SLC39A11: variants seen among roughly 807,000 people sequenced by gnomAD.
SLC39A11 encodes zinc transporter ZIP11.
SLC39A11 carries 33 observed loss-of-function variants against 36.1 expected under a neutral mutation model. The ratio of observed to expected loss-of-function variants is 0.91; its 90% CI spans 0.69 to 1.22. The LOEUF is 1.22. SLC39A11 is among the 50% of genes most tolerant of loss of function. The probability of loss-of-function intolerance (pLI) is 0.00; values close to 1 mark genes in which losing one functional copy is unlikely to be tolerated. For synonymous variants in SLC39A11, 166 were observed against 170.3 expected (o/e 0.97, Z 0.20); for missense variants, 432 against 430.3 (o/e 1.00, Z -0.03).
intron 6 of SLC39A11, among the ~76,000 whole-genome samples, chr17:72,755,587 C>G (rs1008238114): frequency 2.6e-5 from 4 of 152,274 alleles, no homozygotes; most frequent in African/African-American, 9.6e-5. Flanking sequence ...AATTTAAAGT[C>G]AGGCATAAAT....
At chr17:72,771,780 C>A (rs758306994) in intron 6 of SLC39A11, among the ~76,000 whole-genome samples, 1 of 152,132 alleles carries the variant, frequency 6.6e-6, no homozygotes, top group Non-Finnish European at 1.5e-5. Context: ...ACATGTCAAA[C>A]GATCAAGGAA....
chr17:72,991,124 T>C (rs2089143894), intron 4 of SLC39A11, among the ~76,000 whole-genome samples: 1 of 152,196 alleles, frequency 6.6e-6, no homozygotes, highest in South Asian at 2.1e-4. Flanking sequence ...TTAAGTAAAC[T>C]ATTACAGAAA....
rs570222761 is a variant in SLC39A11 at position 72,842,266 on chromosome 17, G to A, written c.601+7368C>T. Among the ~76,000 whole-genome samples the A allele has an allele frequency of 3.3e-5, 5 of 152,204 alleles. 1 individual carries two copies. In the South Asian group the frequency reaches 1.0e-3, roughly 32 times the overall value. ...AAGGATACAGCAAGACAGCACAAAGGAAGGAGTGATTAACTTTGTTAAATA... is the reference window on the plus strand; with the variant it reads ...AAGGATACAGCAAGACAGCACAAAGAAAGGAGTGATTAACTTTGTTAAATA... On this transcript the variant is annotated intron_variant, in intron 6 of 9. Coordinates refer to ENST00000255559, the MANE Select transcript of SLC39A11 (RefSeq NM_139177.4).
intron 7 of SLC39A11, among the ~76,000 whole-genome samples, chr17:72,655,748 C>G (rs914136377): frequency 1.3e-5 from 2 of 152,180 alleles, no homozygotes; most frequent in Admixed American, 6.5e-5. Context: ...TCTGGAGCAA[C>G]TGAGGGCAGG....
intron 4 of SLC39A11, among the ~76,000 whole-genome samples, chr17:73,023,533 AGG>A (rs2058429604): frequency 2.6e-5 from 4 of 152,146 alleles, no homozygotes; most frequent in Non-Finnish European, 4.4e-5. Flanking sequence ...ACTCTTGCCC[AGG>A]CTGGAGTGCA....
chr17:72,985,092 G>A (rs1238774732), intron 4 of SLC39A11, among the ~76,000 whole-genome samples: 2 of 152,190 alleles, frequency 1.3e-5, no homozygotes, highest in African/African-American at 4.8e-5. Context: ...GTTGTCTGGG[G>A]CCACACCTCC....
intron 4 of SLC39A11, among the ~76,000 whole-genome samples, chr17:73,029,707 G>A (rs1164283220): frequency 2.6e-5 from 4 of 151,974 alleles, no homozygotes; most frequent in African/African-American, 7.3e-5. Context: ...TCAGCCTCCT[G>A]AGTAGCTGGG....
At chr17:72,659,316 T>C (rs1238779763) in intron 7 of SLC39A11, among the ~76,000 whole-genome samples, 1 of 152,192 alleles carries the variant, frequency 6.6e-6, no homozygotes, top group African/African-American at 2.4e-5. Flanking sequence ...CGGAGACAGA[T>C]GATCCAGGAA....
chr17:72,969,241 C>A (rs528226692), intron 4 of SLC39A11, among the ~76,000 whole-genome samples: 2 of 152,104 alleles, frequency 1.3e-5, no homozygotes, highest in South Asian at 2.1e-4. Flanking sequence ...ATGAAGCCAG[C>A]TTCATTGGCA....
chr17:72,982,230 C>T (rs1180366848), intron 4 of SLC39A11, among the ~76,000 whole-genome samples: 1 of 152,018 alleles, frequency 6.6e-6, no homozygotes. Context: ...AAGTATAAAT[C>T]AGTATAAGCT....
chr17:73,080,235 T>C (rs2060466944), intron 3 of SLC39A11, among the ~76,000 whole-genome samples: 1 of 152,164 alleles, frequency 6.6e-6, no homozygotes, highest in African/African-American at 2.4e-5. Flanking sequence ...AACTTGAAAC[T>C]ATACTTTAAG....
chr17:72,788,252 T>A (rs1395568980), intron 6 of SLC39A11, among the ~76,000 whole-genome samples: 1 of 152,232 alleles, frequency 6.6e-6, no homozygotes, highest in Non-Finnish European at 1.5e-5. Flanking sequence ...GCCTCTCTGC[T>A]ATGCATCCAT....
At chr17:72,788,646 C>T (rs1304533623) in intron 6 of SLC39A11, among the ~76,000 whole-genome samples, 1 of 152,240 alleles carries the variant, frequency 6.6e-6, no homozygotes, top group African/African-American at 2.4e-5. Flanking sequence ...AGGAGGGCCC[C>T]TCGTTACAAT....
chr17:72,959,084 C>T (rs2086429342), intron 4 of SLC39A11, among the ~76,000 whole-genome samples: 2 of 151,802 alleles, frequency 1.3e-5, no homozygotes, highest in East Asian at 1.9e-4. Flanking sequence ...TAAACTAGTA[C>T]AACTACTATG....
At chr17:72,848,294 G>C (rs2079141628) in intron 6 of SLC39A11, among the ~76,000 whole-genome samples, 1 of 152,140 alleles carries the variant, frequency 6.6e-6, no homozygotes, top group Non-Finnish European at 1.5e-5. Context: ...GGTTCCCTCA[G>C]TTTATTTATT....
chr17:72,700,131 T>C (rs2072540092), intron 7 of SLC39A11, among the ~76,000 whole-genome samples: 1 of 152,242 alleles, frequency 6.6e-6, no homozygotes, highest in African/African-American at 2.4e-5. Context: ...AGGGACATGA[T>C]GCTGCTGGCT....
intron 3 of SLC39A11, among the ~76,000 whole-genome samples, chr17:73,078,240 GAAAAAAA>G (rs373935167): frequency 1.7e-5 from 2 of 114,776 alleles, no homozygotes; most frequent in African/African-American, 3.3e-5. Context: ...TCCGTCTCAG[GAAAAAAA>G]AAAAAAAAAA....
At chr17:72,665,685 C>T (rs2070724860) in intron 7 of SLC39A11, among the ~76,000 whole-genome samples, 1 of 152,100 alleles carries the variant, frequency 6.6e-6, no homozygotes, top group South Asian at 2.1e-4. Context: ...CCACACCCAA[C>T]CAAGTTTTGA....
At chr17:72,684,681 C>G (rs923262495) in intron 7 of SLC39A11, among the ~76,000 whole-genome samples, 3 of 152,216 alleles carry the variant, frequency 2.0e-5, no homozygotes, top group Non-Finnish European at 4.4e-5. Flanking sequence ...TGGTGAGTCT[C>G]TCTCCTGCTT....
Sources: allele counts gnomAD v4.1 joint callset (sites outside exome capture counted in the v4.1 genomes callset), GRCh38; gene constraint gnomAD v4.1.1; transcripts MANE v1.5; gene names NCBI Gene and HGNC (gene_info 2026-07-23, HGNC 2026-07-21).